The following TTC39C variants were observed in gnomAD, a reference collection of about 807,000 sequenced individuals.
TTC39C encodes the protein tetratricopeptide repeat protein 39C.
Under a neutral mutation model 76.3 loss-of-function variants are expected in TTC39C, and 33 were observed. That is an observed-to-expected ratio of 0.43 (90% CI 0.33 to 0.58). The LOEUF (loss-of-function observed/expected upper bound fraction) is 0.58. Among genes scored for constraint, TTC39C ranks in the 20% least tolerant of loss-of-function variants. The probability of loss-of-function intolerance (pLI) is 0.04; values close to 1 mark genes in which losing one functional copy is unlikely to be tolerated. For synonymous variants in TTC39C, 254 were observed against 260.6 expected, an observed-to-expected ratio of 0.97 and a Z score of 0.24; for missense variants, 595 against 701.4, an observed-to-expected ratio of 0.85 and a Z score of 1.71.
chr18:24,060,379 G>A (rs1205327368), intron 1 of TTC39C, among the ~76,000 whole-genome samples: 5 of 141,270 alleles, frequency 3.5e-5, no homozygotes, highest in South Asian at 4.9e-4. Flanking sequence ...GTGCAGTGGC[G>A]CGATCTCGGC....
intron 3 of TTC39C, among the ~76,000 whole-genome samples, chr18:24,068,742 G>A (rs2084200409): frequency 6.6e-6 from 1 of 152,130 alleles, no homozygotes; most frequent in South Asian, 2.1e-4. Flanking sequence ...TGCCCCTAAT[G>A]TTATCCTACC....
chr18:24,038,053 G>C (rs2083751808), intron 1 of TTC39C, among the ~76,000 whole-genome samples: 1 of 152,208 alleles, frequency 6.6e-6, no homozygotes, highest in Non-Finnish European at 1.5e-5. Flanking sequence ...TGTGTATCTA[G>C]TGGCACCATT....
chr18:24,065,881 G>A, intron 2 of TTC39C, 131 bp from the exon 3 acceptor site: 3 of 939,906 alleles, frequency 3.2e-6, no homozygotes, highest in Non-Finnish European at 4.6e-6. Flanking sequence ...AGATTATGCT[G>A]TAACATTGTG....
chr18:24,114,113 G>A (rs947334266), intron 6 of TTC39C: 1 of 267,784 alleles, frequency 3.7e-6, no homozygotes, highest in Non-Finnish European at 7.2e-6. Context: ...ATGAAATATG[G>A]TCCCTTCCCT....
rs540376965 is a variant in TTC39C, at chr18:24,056,436, A to G, written c.168-7704A>G. 4.6e-5 allele frequency among the ~76,000 whole-genome samples: 7 copies of G among 152,314 alleles called. No individual in the cohort carries two copies. The South Asian group carries it at 1.4e-3, about 32-fold the overall frequency. The stretch of plus-strand genomic sequence containing the variant: ...AATGAAAGACAAAAAAATTCCAGCT[A>G]TTCACTACTTTGGGCAGTAAAATTG... On this transcript the variant is annotated intron_variant, in intron 1 of 13. Transcript: ENST00000317571.
intron 1 of TTC39C, among the ~76,000 whole-genome samples, chr18:24,004,729 T>A (rs1296385995): frequency 6.6e-6 from 1 of 152,220 alleles, no homozygotes; most frequent in African/African-American, 2.4e-5. Flanking sequence ...TGATTTACCA[T>A]GAAAATCATG....
At chr18:24,054,044 T>G (rs2083985271) in intron 1 of TTC39C, among the ~76,000 whole-genome samples, 1 of 152,216 alleles carries the variant, frequency 6.6e-6, no homozygotes, top group Non-Finnish European at 1.5e-5. Context: ...TTTATACTGC[T>G]TATATGGATA....
chr18:24,023,493 C>T (rs2083540463), intron 1 of TTC39C, among the ~76,000 whole-genome samples: 1 of 152,206 alleles, frequency 6.6e-6, no homozygotes, highest in South Asian at 2.1e-4. Context: ...CATTGTAACT[C>T]TGGATGGCTG....
chr18:24,008,348 G>C (rs980927223), intron 1 of TTC39C, among the ~76,000 whole-genome samples: 5 of 152,212 alleles, frequency 3.3e-5, no homozygotes, highest in African/African-American at 1.2e-4. Flanking sequence ...TGAACCAAAA[G>C]GTATCTCCTT....
At chr18:24,001,956 G>A (rs963481721) in intron 1 of TTC39C, among the ~76,000 whole-genome samples, 5 of 151,410 alleles carry the variant, frequency 3.3e-5, no homozygotes, top group African/African-American at 9.7e-5. Flanking sequence ...CTCCCGAGTA[G>A]CTGGGACTAC....
chr18:24,109,176 C>CAAAAAAAAAAAAA (rs35872928), intron 6 of TTC39C, among the ~76,000 whole-genome samples: 21 of 73,864 alleles, frequency 2.8e-4, no homozygotes, highest in East Asian at 2.0e-3. Context: ...CCCGTCTCTA[C>CAAAAAAAAAAAAA]AAAAAAAAAA....
chr18:24,111,666 G>A (rs1462141659), intron 6 of TTC39C, among the ~76,000 whole-genome samples: 1 of 151,874 alleles, frequency 6.6e-6, no homozygotes, highest in Non-Finnish European at 1.5e-5. Context: ...AAGCCGAGGT[G>A]GAAGGATCAC....
Position 24,118,327 on chromosome 18 carries a change from A to C in TTC39C, c.1186+95A>C, listed in dbSNP as rs2084922161. The stretch of plus-strand genomic sequence containing the variant: ...GGAGAATGATGGCAAGAGGAAGCAA[A>C]AGTTGTACCCCTCCACAGCCTTCCC... On this transcript the variant is annotated intron_variant, in intron 8 of 13. Transcript: ENST00000317571. 1.9e-5 allele frequency: 17 copies of C among 873,592 alleles called. No homozygotes were observed. In the South Asian group the frequency reaches 2.5e-4, roughly 13 times the overall value. 54.1% of individuals were successfully genotyped at this position (873,592 alleles called of 1,614,324 possible).
chr18:24,093,966 T>C (rs371797007), intron 6 of TTC39C, among the ~76,000 whole-genome samples: 4 of 152,188 alleles, frequency 2.6e-5, no homozygotes, highest in African/African-American at 9.7e-5. Context: ...ACCCCGCCGA[T>C]TGACTCTTCC....
intron 6 of TTC39C, among the ~76,000 whole-genome samples, chr18:24,085,971 GA>G (rs1757648414): frequency 6.6e-6 from 1 of 152,208 alleles, no homozygotes; most frequent in South Asian, 2.1e-4. Context: ...TATCAGAAAT[GA>G]CCATGTCATC....
chr18:24,092,233 C>T (rs2084531875), intron 6 of TTC39C, among the ~76,000 whole-genome samples: 1 of 151,730 alleles, frequency 6.6e-6, no homozygotes, highest in South Asian at 2.1e-4. Flanking sequence ...CTGTTTCACA[C>T]CCACCAAGCT....
chr18:24,093,433 C>T (rs185830084), intron 6 of TTC39C, among the ~76,000 whole-genome samples: 41 of 149,546 alleles, frequency 2.7e-4, no homozygotes, highest in East Asian at 9.8e-4. Context: ...GAGCCTAGAT[C>T]GTGCCACTGC....
intron 1 of TTC39C, among the ~76,000 whole-genome samples, chr18:24,031,461 C>T (rs940845920): frequency 3.3e-5 from 5 of 152,186 alleles, no homozygotes; most frequent in Admixed American, 2.0e-4. Flanking sequence ...GATCTTCTTC[C>T]GGGGCTCTCA....
chr18:24,059,267 A>G (rs1024074353), intron 1 of TTC39C, among the ~76,000 whole-genome samples: 5 of 152,210 alleles, frequency 3.3e-5, no homozygotes, highest in Admixed American at 6.5e-5. Context: ...TTACATAGAA[A>G]AACTTGTGTC....
Sources: gnomAD v4.1 joint callset for allele counts (sites outside exome capture counted in the v4.1 genomes callset) on GRCh38, gnomAD v4.1.1 for gene constraint, MANE v1.5 for transcripts, NCBI Gene and HGNC (gene_info 2026-07-23, HGNC 2026-07-21) for gene names.